Variants in SLC1A3 observed in about 807,000 individuals in gnomAD.
SLC1A3 encodes the protein excitatory amino acid transporter 1.
SLC1A3 carries 21 observed loss-of-function variants against 48.1 expected under a neutral mutation model. The ratio of observed to expected loss-of-function variants is 0.44; its 90% CI spans 0.31 to 0.63. The LOEUF (loss-of-function observed/expected upper bound fraction) is 0.63, where lower values mean the gene tolerates loss of function less well. Ranked by LOEUF, SLC1A3 falls within the 20% of genes least tolerant of loss-of-function variation. The pLI is 0.08. For missense variants in SLC1A3, 546 were observed against 689.0 expected (o/e 0.79, Z 2.32); for synonymous variants, 239 against 251.4 (o/e 0.95, Z 0.47).
At chr5:36,644,531 C>T (rs1205110085) in intron 3 of SLC1A3, among the ~76,000 whole-genome samples, 2 of 152,138 alleles carry the variant, frequency 1.3e-5, no homozygotes, top group Non-Finnish European at 1.5e-5. Flanking sequence ...ATGCTTAACA[C>T]TATTGAACTG....
chr5:36,608,991 ACAC>A, intron 2 of SLC1A3: 1 of 1,002,266 alleles, frequency 1.0e-6, no homozygotes, highest in Non-Finnish European at 1.2e-6. Context: ...TACAATTAGT[ACAC>A]CTAAAATGAC....
rs1306413478 is a variant in SLC1A3, at chr5:36,687,616, A to G, written c.*1347A>G. 1 of 152,272 alleles carries G rather than the reference A, an allele frequency of 6.6e-6. No individual in the cohort carries two copies. Among genetic ancestry groups the G allele is most frequent in the Non-Finnish European group, 1.5e-5 (1 of 68,044 alleles). The allele number at this position is 152,272 out of a possible 1,614,324, so 9.4% of individuals were successfully genotyped here. A position where few individuals can be genotyped will look rare whatever the true frequency, so the allele number is the denominator to read the frequency against. ...TCTTTAATCAAAAGTCCTTAGAATG[A>G]GGGAAACAAAATATTTATTTGTTTT... On this transcript the variant is annotated 3_prime_UTR_variant, in exon 10 of 10. Transcript: ENST00000265113.
chr5:36,643,708 A>T (rs1177416458), intron 3 of SLC1A3, among the ~76,000 whole-genome samples: 1 of 152,098 alleles, frequency 6.6e-6, no homozygotes, highest in Non-Finnish European at 1.5e-5. Context: ...ACAAAGGGTA[A>T]CGTGGGCCAG....
upstream of SLC1A3, among the ~76,000 whole-genome samples, chr5:36,604,740 T>A (rs999216875): frequency 6.6e-6 from 1 of 152,178 alleles, no homozygotes; most frequent in South Asian, 2.1e-4. Context: ...CCCATCTCTA[T>A]GCTAACCAAA....
In SLC1A3 at chr5:36,686,890, G is replaced by A. The variant is rs762497272; in HGVS notation, c.*621G>A. 1.9e-5 allele frequency: 3 copies of A among 159,424 alleles called. No individual in the cohort carries two copies. The highest frequency in any genetic ancestry group is 2.7e-5 in the Non-Finnish European group (2 of 72,912). The allele number at this position is 159,424 out of a possible 1,614,324, so 9.9% of individuals were successfully genotyped here. A position where few individuals can be genotyped will look rare whatever the true frequency, so the allele number is the denominator to read the frequency against. On this transcript the variant is annotated 3_prime_UTR_variant, in exon 10 of 10. Transcript: ENST00000265113. ...CTCAGTGTCCTCATCTATAAAATGAGGGACTTCCCTAGAAGTCTTCATGGT... is the reference window on the plus strand; with the variant it reads ...CTCAGTGTCCTCATCTATAAAATGAAGGACTTCCCTAGAAGTCTTCATGGT...
chr5:36,636,346 G>C (rs1433027026), intron 3 of SLC1A3: 1 of 152,112 alleles, frequency 6.6e-6, no homozygotes, highest in Non-Finnish European at 1.5e-5. Flanking sequence ...GAACAACTTA[G>C]GGAAGGAACG....
At chr5:36,658,605 A>T (rs902668102) in intron 3 of SLC1A3, among the ~76,000 whole-genome samples, 1 of 152,124 alleles carries the variant, frequency 6.6e-6, no homozygotes, top group African/African-American at 2.4e-5. Flanking sequence ...ATTTCTAAGC[A>T]GTTTTTTTTG....
chr5:36,607,944 G>T (rs539439136), intron 1 of SLC1A3, among the ~76,000 whole-genome samples: 1 of 152,194 alleles, frequency 6.6e-6, no homozygotes, highest in East Asian at 1.9e-4. Context: ...GTCAAGTAAT[G>T]ATTGAATACT....
intron 3 of SLC1A3, among the ~76,000 whole-genome samples, chr5:36,660,070 G>A (rs1310823024): frequency 3.9e-5 from 6 of 151,964 alleles, no homozygotes; most frequent in African/African-American, 1.2e-4. Flanking sequence ...TCTATCACTC[G>A]CTGTCTTTTT....
At chr5:36,606,406 G>A (rs1027929391), upstream of SLC1A3, 3 of 152,230 alleles carry the variant, frequency 2.0e-5, no homozygotes, top group African/African-American at 7.2e-5. Flanking sequence ...TAATGACAGT[G>A]AACTGACAAA....
intron 3 of SLC1A3, among the ~76,000 whole-genome samples, chr5:36,660,364 C>T (rs1741454171): frequency 5.9e-5 from 9 of 152,010 alleles, no homozygotes; most frequent in Admixed American, 5.9e-4. Context: ...TTCCTAAATA[C>T]TCCTTGAAAA....
At position 36,686,785 on chromosome 5, in the gene SLC1A3, T is replaced by C. The variant is rs971147962; in HGVS notation, c.*516T>C. The C allele has an allele frequency of 7.9e-5, 17 of 214,702 alleles. No individual in the cohort carries two copies. The highest frequency in any genetic ancestry group is 1.4e-4 in the Non-Finnish European group (15 of 106,458). 13.3% of individuals were successfully genotyped at this position (214,702 alleles called of 1,614,324 possible). Reference sequence around the variant, plus strand: ...TTTCATTAGTAGCTAGGTGCACATATACATCTAGCACAGCTGTGAGGACAG... The same window carrying C: ...TTTCATTAGTAGCTAGGTGCACATACACATCTAGCACAGCTGTGAGGACAG... On this transcript the variant is annotated 3_prime_UTR_variant, in exon 10 of 10. Coordinates refer to ENST00000265113, the MANE Select transcript of SLC1A3 (RefSeq NM_004172.5).
chr5:36,681,896 C>T (rs1742456433), intron 8 of SLC1A3, among the ~76,000 whole-genome samples: 1 of 152,114 alleles, frequency 6.6e-6, no homozygotes, highest in Non-Finnish European at 1.5e-5. Flanking sequence ...TATCACTCAA[C>T]ATTTTGTTGT....
chr5:36,685,922 G>A (rs1580053095), intron 9 of SLC1A3, 143 bp from the exon 10 acceptor site: 1 of 718,008 alleles, frequency 1.4e-6, no homozygotes, highest in East Asian at 2.7e-5. Flanking sequence ...TGAATATTAT[G>A]TGTCTATTAC....
chr5:36,651,748 C>A (rs1464509048), intron 3 of SLC1A3, among the ~76,000 whole-genome samples: 1 of 152,064 alleles, frequency 6.6e-6, no homozygotes, highest in East Asian at 1.9e-4. Flanking sequence ...AAACAGGGAC[C>A]ATTTTGTTCA....
intron 3 of SLC1A3, among the ~76,000 whole-genome samples, chr5:36,663,210 C>CT (rs1561273149): frequency 1.3e-5 from 2 of 151,634 alleles, no homozygotes; most frequent in Non-Finnish European, 2.9e-5. Flanking sequence ...ATTTTCTTTT[C>CT]TTGTTTGTTT....
chr5:36,605,733 A>T (rs1331464042), upstream of SLC1A3, among the ~76,000 whole-genome samples: 1 of 152,114 alleles, frequency 6.6e-6, no homozygotes, highest in East Asian at 1.9e-4. Context: ...TTATTTTCTA[A>T]TATCTATTTT....
At chr5:36,670,915 C>T in intron 3 of SLC1A3, 114 bp from the exon 4 acceptor site, 2 of 924,330 alleles carry the variant, frequency 2.2e-6, no homozygotes, top group Non-Finnish European at 1.7e-6. Flanking sequence ...TACGAAATCC[C>T]ATGGCTGGGT....
Position 36,653,364 on chromosome 5 carries a change from C to T in SLC1A3, c.320-17665C>T, listed in dbSNP as rs540183072. Among the ~76,000 whole-genome samples, 10 of 152,306 alleles carry T rather than the reference C, an allele frequency of 6.6e-5. No homozygotes were observed. In the East Asian group the frequency reaches 1.2e-3, roughly 18 times the overall value. On this transcript the variant is annotated intron_variant, in intron 3 of 9. Coordinates refer to ENST00000265113, the MANE Select transcript of SLC1A3 (RefSeq NM_004172.5). Reference sequence around the variant, plus strand: ...CAGCTTTTAGGCCTTTAATGTGTGGCGGTGTTCACATAAATACTTAACCTC... The same window carrying T: ...CAGCTTTTAGGCCTTTAATGTGTGGTGGTGTTCACATAAATACTTAACCTC...
Sources: allele counts gnomAD v4.1 joint callset (sites outside exome capture counted in the v4.1 genomes callset), GRCh38; gene constraint gnomAD v4.1.1; transcripts MANE v1.5; gene names NCBI Gene and HGNC (gene_info 2026-07-23, HGNC 2026-07-21).